Variants in SMYD3 observed in about 807,000 individuals in gnomAD.
The protein encoded by SMYD3 is SET and MYND domain containing 3, also known as histone-lysine N-methyltransferase SMYD3.
Under a neutral mutation model 57.7 loss-of-function variants are expected in SMYD3, and 36 were observed. The ratio of observed to expected loss-of-function variants is 0.62; its 90% CI spans 0.48 to 0.82. SMYD3 has a LOEUF of 0.82. Among genes scored for constraint, SMYD3 ranks in the 40% least tolerant of loss-of-function variants. The pLI is 0.00. For missense variants in SMYD3, 515 were observed against 538.8 expected (o/e 0.96, Z 0.44); for synonymous variants, 211 against 195.0 (o/e 1.08, Z -0.68).
At chr1:246,499,452 T>C (rs924189713) in intron 1 of SMYD3, among the ~76,000 whole-genome samples, 1 of 151,780 alleles carries the variant, frequency 6.6e-6, no homozygotes, top group Admixed American at 6.6e-5. Flanking sequence ...TATTGTTGTT[T>C]TGTTGTTGTT....
At chr1:246,367,577 C>T (rs758244520) in intron 1 of SMYD3, among the ~76,000 whole-genome samples, 12 of 152,044 alleles carry the variant, frequency 7.9e-5, no homozygotes, top group Admixed American at 1.3e-4. Context: ...GGATTACAGG[C>T]GTGCACAAAC....
chr1:246,345,183 C>T (rs10924697), intron 2 of SMYD3, among the ~76,000 whole-genome samples: 83,274 of 151,902 alleles, frequency 0.55, 23,659 homozygotes, highest in Middle Eastern at 0.71. Context: ...TATGTTTTCT[C>T]GGTTTTATAG....
At chr1:246,086,856 CA>C (rs996471165) in intron 5 of SMYD3, among the ~76,000 whole-genome samples, 1 of 152,098 alleles carries the variant, frequency 6.6e-6, no homozygotes, top group African/African-American at 2.4e-5. Flanking sequence ...CACACATTAG[CA>C]ATTTTTCCTG....
intron 1 of SMYD3, among the ~76,000 whole-genome samples, chr1:246,420,674 T>A (rs1020723214): frequency 6.6e-6 from 1 of 152,238 alleles, no homozygotes; most frequent in African/African-American, 2.4e-5. Flanking sequence ...TGGCTTGTTC[T>A]AATATAGCAA....
At chr1:246,178,062 AT>A (rs1220665304) in intron 5 of SMYD3, among the ~76,000 whole-genome samples, 22 of 152,188 alleles carry the variant, frequency 1.4e-4, no homozygotes, top group Admixed American at 2.0e-4. Context: ...TGCTTTGGTA[AT>A]TTATTCACCC....
intron 1 of SMYD3, among the ~76,000 whole-genome samples, chr1:246,475,010 G>A (rs1215320968): frequency 6.6e-6 from 1 of 152,108 alleles, no homozygotes; most frequent in Non-Finnish European, 1.5e-5. Context: ...ACAGTGATTT[G>A]TGGCGCATTA....
chr1:246,114,649 C>T (rs2105159), intron 5 of SMYD3, among the ~76,000 whole-genome samples: 128,146 of 152,128 alleles, frequency 0.84, 54,173 homozygotes, highest in Admixed American at 0.89. Context: ...GTTGTTGTTT[C>T]GAGATGAAGT....
chr1:246,176,990 G>C (rs2062445821), intron 5 of SMYD3, among the ~76,000 whole-genome samples: 1 of 152,164 alleles, frequency 6.6e-6, no homozygotes, highest in African/African-American at 2.4e-5. Context: ...AAAGGAAAAG[G>C]AAAAGAAACT....
At chr1:246,058,704 A>G (rs2060197776) in intron 5 of SMYD3, among the ~76,000 whole-genome samples, 1 of 152,212 alleles carries the variant, frequency 6.6e-6, no homozygotes, top group African/African-American at 2.4e-5. Context: ...TTGCTGTTCT[A>G]CAGAACTTAT....
chr1:245,809,158 T>C lies in SMYD3; in HGVS notation c.1077-45009A>G, dbSNP rs191657125. Among the ~76,000 whole-genome samples, 13 of 152,310 alleles carry C rather than the reference T, an allele frequency of 8.5e-5. 1 individual carries two copies. The East Asian group carries it at 2.3e-3, about 27-fold the overall frequency. The stretch of plus-strand genomic sequence containing the variant: ...CTCTGGTTCCTGCTGCTCACTACTA[T>C]CAAACACATAACAAGTATGGGCCTT... On this transcript the variant is annotated intron_variant, in intron 10 of 11. Coordinates refer to ENST00000490107, the MANE Select transcript of SMYD3 (RefSeq NM_001167740.2).
chr1:245,788,811 C>G (rs1364207166), intron 10 of SMYD3: 1 of 152,204 alleles, frequency 6.6e-6, no homozygotes, highest in African/African-American at 2.4e-5. Flanking sequence ...ACAGACCATG[C>G]CAGAGTCCAG....
chr1:246,192,469 T>TG (rs1260084228), intron 5 of SMYD3, among the ~76,000 whole-genome samples: 3 of 152,178 alleles, frequency 2.0e-5, no homozygotes, highest in Non-Finnish European at 4.4e-5. Flanking sequence ...TTGCCCAGGC[T>TG]GGTGTCGAAC....
intron 5 of SMYD3, among the ~76,000 whole-genome samples, chr1:246,299,351 G>A (rs2064853225): frequency 6.6e-6 from 1 of 152,062 alleles, no homozygotes; most frequent in Admixed American, 6.6e-5. Flanking sequence ...ATAACATGTT[G>A]GTGAGGTTGC....
intron 1 of SMYD3, among the ~76,000 whole-genome samples, chr1:246,472,832 C>A (rs1442429688): frequency 6.6e-6 from 1 of 151,638 alleles, no homozygotes; most frequent in Non-Finnish European, 1.5e-5. Flanking sequence ...CAGGGAGTCT[C>A]CCGCAGTTAC....
intron 5 of SMYD3, among the ~76,000 whole-genome samples, chr1:246,117,394 G>A (rs1572053370): frequency 6.6e-6 from 1 of 152,152 alleles, no homozygotes; most frequent in Non-Finnish European, 1.5e-5. Flanking sequence ...ACAAAACACA[G>A]TAGGCAGGCA....
chr1:245,780,380 G>T (rs1278202183), intron 10 of SMYD3, among the ~76,000 whole-genome samples: 1 of 152,158 alleles, frequency 6.6e-6, no homozygotes, highest in African/African-American at 2.4e-5. Context: ...CAACATGGAT[G>T]AACTTTAAAA....
chr1:246,025,800 T>C (rs1409245184), intron 5 of SMYD3: 1 of 152,220 alleles, frequency 6.6e-6, no homozygotes, highest in Non-Finnish European at 1.5e-5. Flanking sequence ...GAATTTTCAG[T>C]GACCTAAGGT....
At chr1:246,138,148 G>A (rs758095457) in intron 5 of SMYD3, among the ~76,000 whole-genome samples, 1 of 152,072 alleles carries the variant, frequency 6.6e-6, no homozygotes, top group Middle Eastern at 3.2e-3. Context: ...ATAGGGCCAA[G>A]GGACTAAATT....
At chr1:246,441,862 T>C (rs897837731) in intron 1 of SMYD3, among the ~76,000 whole-genome samples, 3 of 152,230 alleles carry the variant, frequency 2.0e-5, no homozygotes, top group Non-Finnish European at 2.9e-5. Context: ...TCCTCCCGCC[T>C]CGGGCCCCCA....
Sources: allele counts gnomAD v4.1 joint callset (sites outside exome capture counted in the v4.1 genomes callset), GRCh38; gene constraint gnomAD v4.1.1; transcripts MANE v1.5; gene names NCBI Gene and HGNC (gene_info 2026-07-23, HGNC 2026-07-21).